Variants in NCK1 observed in about 807,000 individuals in gnomAD.
The protein encoded by NCK1 is SH2/SH3 adapter protein NCK1.
In NCK1, 19 loss-of-function variants were observed where a neutral mutation model predicts 36.6. The observed-to-expected ratio is 0.52, with a 90% confidence interval of 0.36 to 0.76. The LOEUF (loss-of-function observed/expected upper bound fraction) is 0.76. Ranked by LOEUF, NCK1 falls within the 30% of genes least tolerant of loss-of-function variation. The pLI, the probability that NCK1 is intolerant of heterozygous loss-of-function variation, is 0.00. For synonymous variants in NCK1, 165 were observed against 156.0 expected, an observed-to-expected ratio of 1.06 and a Z score of -0.43; for missense variants, 358 against 445.6, an observed-to-expected ratio of 0.80 and a Z score of 1.77.
intron 1 of NCK1, among the ~76,000 whole-genome samples, chr3:136,866,605 C>A (rs1333885857): frequency 1.3e-5 from 2 of 150,864 alleles, no homozygotes; most frequent in Non-Finnish European, 3.0e-5. Flanking sequence ...CTGTGCCTGG[C>A]CTCTTTCTTT....
chr3:136,949,382 A>T lies in NCK1; in HGVS notation c.*929A>T, dbSNP rs1940914958. The T allele has an allele frequency of 6.7e-6, 1 of 148,566 alleles. No homozygotes were observed. Among genetic ancestry groups the T allele is most frequent in the Non-Finnish European group, 1.5e-5 (1 of 67,040 alleles). The allele number at this position is 148,566 out of a possible 1,614,324, so 9.2% of individuals were successfully genotyped here. ...CACTAAATATCAGTAATTGTCAGGA[A>T]TGGTATTACCTATTTTCATTTCCTC... is the stretch of plus-strand genomic sequence containing the variant. On this transcript the variant is annotated 3_prime_UTR_variant, in exon 4 of 4. Transcript: ENST00000481752.
At chr3:136,898,385 CAAA>C (rs36033316) in intron 1 of NCK1, among the ~76,000 whole-genome samples, 5 of 76,564 alleles carry the variant, frequency 6.5e-5, no homozygotes, top group Admixed American at 1.5e-4. Flanking sequence ...GACTCCCTCT[CAAA>C]AAAAAAAAAA....
chr3:136,877,519 A>G (rs1938807692), intron 1 of NCK1, among the ~76,000 whole-genome samples: 1 of 152,200 alleles, frequency 6.6e-6, no homozygotes, highest in Non-Finnish European at 1.5e-5. Flanking sequence ...CATGAGAAAG[A>G]ATGAAGGCTA....
chr3:136,938,354 A>C (rs1940588456), intron 2 of NCK1, among the ~76,000 whole-genome samples: 2 of 152,122 alleles, frequency 1.3e-5, no homozygotes, highest in African/African-American at 2.4e-5. Flanking sequence ...TATTGGCTAA[A>C]ATTTATTTAT....
chr3:136,931,483 C>T (rs1940388967), intron 2 of NCK1, among the ~76,000 whole-genome samples: 1 of 152,128 alleles, frequency 6.6e-6, no homozygotes, highest in Admixed American at 6.5e-5. Context: ...AATGTGAAGA[C>T]TCATTTGTTA....
At chr3:136,906,631 C>A (rs1939693321) in intron 1 of NCK1, among the ~76,000 whole-genome samples, 1 of 152,112 alleles carries the variant, frequency 6.6e-6, no homozygotes, top group Non-Finnish European at 1.5e-5. Context: ...GGTTTTTAAA[C>A]CTCTGTGCAG....
At chr3:136,925,840 A>T (rs983160825) in intron 1 of NCK1, among the ~76,000 whole-genome samples, 2 of 152,194 alleles carry the variant, frequency 1.3e-5, no homozygotes, top group African/African-American at 4.8e-5. Context: ...TTTCTCTGGG[A>T]TAAATACCCA....
At chr3:136,936,637 A>G (rs965268813) in intron 2 of NCK1, among the ~76,000 whole-genome samples, 4 of 152,164 alleles carry the variant, frequency 2.6e-5, no homozygotes, top group African/African-American at 9.7e-5. Context: ...TATCCTTGCC[A>G]ACACCTATTT....
chr3:136,899,419 C>CTTTTTTTTTTT (rs34828302), intron 1 of NCK1: 2 of 199,568 alleles, frequency 1.0e-5, no homozygotes, highest in Non-Finnish European at 2.1e-5. Flanking sequence ...CATTTCTTTT[C>CTTTTTTTTTTT]TTTTTTTTTT....
At chr3:136,893,039 G>A (rs574024315) in intron 1 of NCK1, among the ~76,000 whole-genome samples, 2 of 149,148 alleles carry the variant, frequency 1.3e-5, no homozygotes, top group African/African-American at 4.9e-5. Context: ...TACGATGTTT[G>A]GTTTTCCATT....
Position 136,945,627 on chromosome 3 carries a change from T to C in NCK1, c.271T>C (p.Ser91Pro). Residue 91 changes from serine (S) to proline (P), a missense_variant, in exon 3 of 4, where the codon TCT (serine) becomes CCT (proline). Coordinates refer to ENST00000481752, the MANE Select transcript of NCK1 (RefSeq NM_001291999.2). Reference protein sequence around the residue: ...KRKPSVPDSASPADDSFVDPG... With the variant: ...KRKPSVPDSAPPADDSFVDPG... The stretch of plus-strand genomic sequence containing the variant: ...AAAACCTAGTGTGCCAGATTCTGCA[T>C]CTCCTGCTGATGATAGTTTTGTTGA... 1.9e-6 allele frequency: 3 copies of C among 1,613,748 alleles called. No individual in the cohort carries two copies. Among genetic ancestry groups the C allele is most frequent in the Non-Finnish European group, 2.5e-6 (3 of 1,179,758 alleles).
chr3:136,881,710 C>G (rs572365610), intron 1 of NCK1, among the ~76,000 whole-genome samples: 1 of 152,344 alleles, frequency 6.6e-6, no homozygotes, highest in East Asian at 1.9e-4. Flanking sequence ...CTGGCAACCA[C>G]TATTCTTCAT....
At chr3:136,927,900 G>C in intron 1 of NCK1, 84 bp from the exon 2 acceptor site, 1 of 976,676 alleles carries the variant, frequency 1.0e-6, no homozygotes, top group South Asian at 1.6e-5. Flanking sequence ...TATGTCTTTA[G>C]ATTTTTAGGT....
At chr3:136,908,905 T>A (rs1299705769) in intron 1 of NCK1, among the ~76,000 whole-genome samples, 1 of 152,148 alleles carries the variant, frequency 6.6e-6, no homozygotes, top group East Asian at 1.9e-4. Context: ...GTTGATGCAG[T>A]GGTGTTGGGA....
chr3:136,870,596 A>G lies in NCK1; in HGVS notation c.-19+8243A>G, dbSNP rs533178608. Among the ~76,000 whole-genome samples, 11 of 150,644 alleles carry G rather than the reference A, an allele frequency of 7.3e-5. 1 individual carries two copies. The highest frequency in any genetic ancestry group is 6.7e-4 in the Admixed American group (10 of 15,034). On this transcript the variant is annotated intron_variant, in intron 1 of 3. Coordinates refer to ENST00000481752, the MANE Select transcript of NCK1 (RefSeq NM_001291999.2). ...TTTCATTTTTAGAAACATTTAGAAT[A>G]TTTAGTGTACAACCCCTGTCTCCCA...
At chr3:136,884,718 C>CTTT (rs72234296) in intron 1 of NCK1, among the ~76,000 whole-genome samples, 7 of 145,096 alleles carry the variant, frequency 4.8e-5, no homozygotes, top group Admixed American at 1.4e-4. Flanking sequence ...CATGCCTGAG[C>CTTT]TTTTTTTTTT....
chr3:136,863,521 T>C (rs755316604), intron 1 of NCK1, among the ~76,000 whole-genome samples: 38 of 152,230 alleles, frequency 2.5e-4, no homozygotes, highest in Non-Finnish European at 4.3e-4. Flanking sequence ...TAAATAGGCA[T>C]CCCATTCACA....
chr3:136,930,686 G>A, intron 2 of NCK1: 1 of 1,106,212 alleles, frequency 9.0e-7, no homozygotes, highest in Admixed American at 3.3e-5. Flanking sequence ...CTCTTATTTG[G>A]TGGGTTTATG....
At chr3:136,903,777 G>C (rs899083009) in intron 1 of NCK1, among the ~76,000 whole-genome samples, 4 of 148,206 alleles carry the variant, frequency 2.7e-5, no homozygotes, top group Non-Finnish European at 6.0e-5. Flanking sequence ...TACATTCAGA[G>C]TTATTGATGT....
Sources: gnomAD v4.1 joint callset for allele counts (sites outside exome capture counted in the v4.1 genomes callset) on GRCh38, gnomAD v4.1.1 for gene constraint, MANE v1.5 for transcripts, NCBI Gene and HGNC (gene_info 2026-07-23, HGNC 2026-07-21) for gene names.